The following DCAF12 variants were observed in gnomAD, a reference collection of about 807,000 sequenced individuals.
DCAF12 encodes the protein DDB1- and CUL4-associated factor 12.
Under a neutral mutation model 52.8 loss-of-function variants are expected in DCAF12, and 28 were observed. That is an observed-to-expected ratio of 0.53 (90% CI 0.39 to 0.73). The LOEUF is 0.73. DCAF12 is among the 30% of genes least tolerant of loss of function. DCAF12 has a pLI of 0.00. For synonymous variants in DCAF12, 196 were observed against 215.5 expected (o/e 0.91, Z 0.79); for missense variants, 425 against 552.2 (o/e 0.77, Z 2.31).
intron 6 of DCAF12, among the ~76,000 whole-genome samples, chr9:34,094,619 C>T (rs911699627): frequency 9.2e-5 from 14 of 151,646 alleles, no homozygotes; most frequent in African/African-American, 3.4e-4. Flanking sequence ...CAAGCTCCAC[C>T]TCCTGGGTTC....
At chr9:34,110,848 C>G (rs10971920) in intron 2 of DCAF12, among the ~76,000 whole-genome samples, 106,497 of 152,008 alleles carry the variant, frequency 0.7, 38,039 homozygotes, top group Non-Finnish European at 0.77. Flanking sequence ...CTATCATCAC[C>G]TCTTGCCATG....
rs1264411612 is a variant in DCAF12, at chr9:34,086,655, T to C, written c.*1695A>G. 4 of 152,228 alleles carry C rather than the reference T, an allele frequency of 2.6e-5. No individual in the cohort carries two copies. Among genetic ancestry groups the C allele is most frequent in the African/African-American group, 9.6e-5 (4 of 41,452 alleles). 9.4% of individuals were successfully genotyped at this position (152,228 alleles called of 1,614,324 possible). A position where few individuals can be genotyped will look rare whatever the true frequency, so the allele number is the denominator to read the frequency against. On this transcript the variant is annotated 3_prime_UTR_variant, in exon 9 of 9. Coordinates refer to ENST00000361264, the MANE Select transcript of DCAF12 (RefSeq NM_015397.4). The stretch of plus-strand genomic sequence containing the variant: ...AAAAGATCTATAGCATCCAGCATTT[T>C]GCTTAATTCCCTGTTTATAGCACCT...
chr9:34,113,773 G>A (rs1441486068), intron 2 of DCAF12, among the ~76,000 whole-genome samples: 6 of 152,174 alleles, frequency 3.9e-5, no homozygotes, highest in South Asian at 4.1e-4. Context: ...GCCAAGATAC[G>A]GAATCAGCCG....
intron 2 of DCAF12, among the ~76,000 whole-genome samples, chr9:34,115,691 T>G (rs958819752): frequency 6.6e-6 from 1 of 151,818 alleles, no homozygotes; most frequent in African/African-American, 2.4e-5. Flanking sequence ...ATACCAATTT[T>G]AGGAACTTAC....
intron 4 of DCAF12, among the ~76,000 whole-genome samples, chr9:34,103,450 A>G (rs1828860916): frequency 6.6e-6 from 1 of 152,104 alleles, no homozygotes; most frequent in Non-Finnish European, 1.5e-5. Context: ...TTATATTCCC[A>G]TTCAGAAACA....
chr9:34,107,331 T>A (rs377166525), intron 3 of DCAF12, 28 bp downstream of exon 3: 33 of 1,608,826 alleles, frequency 2.1e-5, no homozygotes, highest in Non-Finnish European at 2.8e-5. Context: ...CAAGGCTCCC[T>A]CCAACTACAA....
At chr9:34,117,528 T>C (rs1278250443) in intron 2 of DCAF12, among the ~76,000 whole-genome samples, 3 of 152,170 alleles carry the variant, frequency 2.0e-5, no homozygotes, top group Non-Finnish European at 4.4e-5. Context: ...ACCTTGATTT[T>C]ACCTAGTACC....
rs1254201312 is a variant in DCAF12 at position 34,089,595 on chromosome 9, AAGAC to A, written c.1025-9_1025-6del. ...AGAAACTCACTGACCGGATTCCTGA[AAGAC>A]AGAAAAGTAAAAGGCAGTGAGGCGG... On this transcript the variant is annotated splice_region_variant and splice_polypyrimidine_tract_variant and intron_variant, in intron 7 of 8. Transcript: ENST00000361264. 1 of 1,598,494 alleles carries A rather than the reference AAGAC, an allele frequency of 6.3e-7. No homozygotes were observed. Among genetic ancestry groups the A allele is most frequent in the African/African-American group, 1.3e-5 (1 of 74,404 alleles).
chr9:34,106,732 T>C (rs1828910400), intron 3 of DCAF12, among the ~76,000 whole-genome samples: 1 of 152,180 alleles, frequency 6.6e-6, no homozygotes, highest in Non-Finnish European at 1.5e-5. Flanking sequence ...ACATAGCTCT[T>C]GCCTTCTACC....
intron 2 of DCAF12, among the ~76,000 whole-genome samples, chr9:34,122,949 CG>C (rs1406057932): frequency 1.3e-5 from 2 of 152,170 alleles, no homozygotes; most frequent in Admixed American, 6.6e-5. Context: ...TCTGAATTTG[CG>C]TAAGTCTAAA....
chr9:34,093,899 C>T (rs182479449), intron 6 of DCAF12: 97 of 179,912 alleles, frequency 5.4e-4, no homozygotes, highest in African/African-American at 2.2e-3. Flanking sequence ...GGGAATTGTA[C>T]GCTATAGAAA....
At chr9:34,120,359 G>A (rs1352939984) in intron 2 of DCAF12, among the ~76,000 whole-genome samples, 2 of 151,804 alleles carry the variant, frequency 1.3e-5, no homozygotes, top group African/African-American at 2.4e-5. Flanking sequence ...CACCCTGAGT[G>A]CAAAATGCTG....
chr9:34,099,718 C>T (rs1400667895), intron 4 of DCAF12, among the ~76,000 whole-genome samples: 8 of 150,882 alleles, frequency 5.3e-5, no homozygotes, highest in Non-Finnish European at 1.0e-4. Flanking sequence ...CTCAGCCTCC[C>T]GAGCAGTTGG....
At position 34,105,375 on chromosome 9, in the gene DCAF12, A is replaced by T. The variant is rs369157735; in HGVS notation, c.601+1059T>A. The stretch of plus-strand genomic sequence containing the variant: ...CAGGAGTTCAAGGCTGCAGTGAGCC[A>T]TGATGGTGCCACTGCACTCCAGCCT... On this transcript the variant is annotated intron_variant, in intron 4 of 8. Coordinates refer to ENST00000361264, the MANE Select transcript of DCAF12 (RefSeq NM_015397.4). Among the ~76,000 whole-genome samples, 7 of 152,158 alleles carry T rather than the reference A, an allele frequency of 4.6e-5. No individual in the cohort carries two copies. The South Asian group carries it at 1.2e-3, about 27-fold the overall frequency.
chr9:34,111,974 A>T (rs1189009274), intron 2 of DCAF12, among the ~76,000 whole-genome samples: 1 of 145,960 alleles, frequency 6.9e-6, no homozygotes, highest in East Asian at 2.0e-4. Context: ...ATCTCTACTA[A>T]AAATACAAAA....
chr9:34,118,870 CAGA>C (rs1829127156), intron 2 of DCAF12, among the ~76,000 whole-genome samples: 1 of 152,148 alleles, frequency 6.6e-6, no homozygotes. Flanking sequence ...GGTGCTGAAG[CAGA>C]AGAATCGCTT....
intron 6 of DCAF12, chr9:34,095,848 G>A (rs1828727124): frequency 1.3e-5 from 2 of 152,098 alleles, no homozygotes; most frequent in African/African-American, 4.8e-5. Flanking sequence ...TTCCCTTACA[G>A]CATGCCAAGT....
chr9:34,107,285 G>A (rs1828918105), intron 3 of DCAF12, 74 bp downstream of exon 3: 1 of 1,417,156 alleles, frequency 7.1e-7, no homozygotes, highest in Admixed American at 1.7e-5. Context: ...CTGATGAGAG[G>A]AGGGTCCATG....
intron 6 of DCAF12, among the ~76,000 whole-genome samples, chr9:34,094,615 C>T (rs1250355093): frequency 6.6e-6 from 1 of 150,912 alleles, no homozygotes; most frequent in African/African-American, 2.4e-5. Context: ...ACTGCAAGCT[C>T]CACCTCCTGG....
Sources: allele counts gnomAD v4.1 joint callset (sites outside exome capture counted in the v4.1 genomes callset), GRCh38; gene constraint gnomAD v4.1.1; transcripts MANE v1.5; gene names NCBI Gene and HGNC (gene_info 2026-07-23, HGNC 2026-07-21).